The following KCNH5 variants were observed in gnomAD, a reference collection of about 807,000 sequenced individuals.
The protein encoded by KCNH5 is potassium voltage-gated channel subfamily H member 5.
Under a neutral mutation model 96.1 loss-of-function variants are expected in KCNH5, and 46 were observed. The observed-to-expected ratio is 0.48, with a 90% confidence interval of 0.38 to 0.61. KCNH5 has a LOEUF of 0.61. Among genes scored for constraint, KCNH5 ranks in the 20% least tolerant of loss-of-function variants. The pLI, the probability that KCNH5 is intolerant of heterozygous loss-of-function variation, is 0.00. For synonymous variants in KCNH5, 439 were observed against 449.8 expected (o/e 0.98, Z 0.30); for missense variants, 907 against 1,225.8 (o/e 0.74, Z 3.88).
intron 7 of KCNH5, among the ~76,000 whole-genome samples, chr14:62,924,163 C>G (rs972876702): frequency 1.3e-5 from 2 of 151,760 alleles, no homozygotes; most frequent in Admixed American, 1.3e-4. Flanking sequence ...GGCAAAGGAC[C>G]TGAATAGTCA....
chr14:62,907,537 G>A (rs1428068290), intron 7 of KCNH5, among the ~76,000 whole-genome samples: 2 of 152,144 alleles, frequency 1.3e-5, no homozygotes, highest in African/African-American at 2.4e-5. Context: ...TATATAATAA[G>A]AGTCCTGAAA....
At chr14:62,930,327 G>A (rs763313657) in intron 7 of KCNH5, among the ~76,000 whole-genome samples, 8 of 152,012 alleles carry the variant, frequency 5.3e-5, no homozygotes, top group Non-Finnish European at 1.0e-4. Flanking sequence ...TTAAATTTCT[G>A]TAGGCAAAGT....
intron 4 of KCNH5, 56 bp from the exon 5 acceptor site, chr14:62,987,243 A>G: frequency 8.3e-7 from 1 of 1,210,274 alleles, no homozygotes; most frequent in African/African-American, 1.5e-5. Context: ...AAGGAATCCA[A>G]CATTCTTGCT....
chr14:62,737,181 A>G (rs1885176473), intron 10 of KCNH5, among the ~76,000 whole-genome samples: 1 of 152,164 alleles, frequency 6.6e-6, no homozygotes, highest in Admixed American at 6.6e-5. Context: ...CAAATAGATT[A>G]TACATTTTAC....
At chr14:62,804,488 G>A (rs1464021866) in intron 8 of KCNH5, among the ~76,000 whole-genome samples, 1 of 152,092 alleles carries the variant, frequency 6.6e-6, no homozygotes, top group African/African-American at 2.4e-5. Context: ...TTTGCCTCAG[G>A]TTAGCTAACC....
At chr14:62,906,903 C>G (rs1286202923) in intron 7 of KCNH5, among the ~76,000 whole-genome samples, 1 of 152,114 alleles carries the variant, frequency 6.6e-6, no homozygotes, top group Non-Finnish European at 1.5e-5. Context: ...TCTCAAGTAC[C>G]TTACCTAGGG....
chr14:62,770,168 T>G (rs1442754070), intron 10 of KCNH5, among the ~76,000 whole-genome samples: 2 of 152,216 alleles, frequency 1.3e-5, no homozygotes, highest in African/African-American at 4.8e-5. Flanking sequence ...TCTTCGAAGA[T>G]GCTCGTATTG....
intron 7 of KCNH5, among the ~76,000 whole-genome samples, chr14:62,869,868 T>C (rs890212185): frequency 2.6e-5 from 4 of 152,160 alleles, no homozygotes; most frequent in Admixed American, 6.6e-5. Context: ...ATTTAATCAA[T>C]GGTGTTGGGA....
chr14:62,873,968 T>C (rs534481949), intron 7 of KCNH5, among the ~76,000 whole-genome samples: 109 of 152,318 alleles, frequency 7.2e-4, no homozygotes, highest in Middle Eastern at 3.4e-3. Flanking sequence ...GGTCTCAATA[T>C]GCACTAACTC....
chr14:62,743,397 C>T (rs745598452), intron 10 of KCNH5, among the ~76,000 whole-genome samples: 9 of 152,144 alleles, frequency 5.9e-5, no homozygotes, highest in Non-Finnish European at 1.0e-4. Flanking sequence ...GGGGTATCGA[C>T]GTAGAATAAA....
chr14:62,851,666 T>G (rs1887809421), intron 7 of KCNH5, among the ~76,000 whole-genome samples: 1 of 152,086 alleles, frequency 6.6e-6, no homozygotes, highest in Non-Finnish European at 1.5e-5. Flanking sequence ...AAGAAAATTT[T>G]AAATTTTTAA....
At chr14:62,939,362 A>C (rs1889744344) in intron 7 of KCNH5, among the ~76,000 whole-genome samples, 1 of 152,036 alleles carries the variant, frequency 6.6e-6, no homozygotes. Flanking sequence ...CCTTGACATG[A>C]TTACTTTCTA....
At chr14:62,917,354 G>GTTT (rs200737675) in intron 7 of KCNH5, among the ~76,000 whole-genome samples, 1 of 134,730 alleles carries the variant, frequency 7.4e-6, no homozygotes, top group Non-Finnish European at 1.6e-5. Context: ...GGTTTGTTAG[G>GTTT]TTTTTTTTTT....
intron 6 of KCNH5, among the ~76,000 whole-genome samples, chr14:62,956,483 T>C (rs1890106697): frequency 6.6e-6 from 1 of 152,058 alleles, no homozygotes; most frequent in African/African-American, 2.4e-5. Flanking sequence ...AAGATTGGGA[T>C]AATTTTCTTT....
intron 8 of KCNH5, among the ~76,000 whole-genome samples, chr14:62,842,957 T>C (rs957157188): frequency 7.2e-5 from 11 of 152,208 alleles, no homozygotes; most frequent in African/African-American, 2.4e-4. Context: ...CATATAATCT[T>C]ACTGTCAGGA....
chr14:62,802,955 A>T (rs1886694895), intron 8 of KCNH5, among the ~76,000 whole-genome samples: 1 of 152,190 alleles, frequency 6.6e-6, no homozygotes, highest in African/African-American at 2.4e-5. Flanking sequence ...CAGCCTGGGC[A>T]ACATGGTGAA....
intron 10 of KCNH5, among the ~76,000 whole-genome samples, chr14:62,752,342 C>G (rs550083244): frequency 6.6e-6 from 1 of 152,064 alleles, no homozygotes; most frequent in African/African-American, 2.4e-5. Flanking sequence ...ATGAGTGAGA[C>G]TTTATTTTGC....
At chr14:62,862,172 C>G (rs1273632398) in intron 7 of KCNH5, among the ~76,000 whole-genome samples, 3 of 152,064 alleles carry the variant, frequency 2.0e-5, no homozygotes, top group Non-Finnish European at 4.4e-5. Flanking sequence ...GTTAGTGTTA[C>G]TATTATGCTT....
chr14:62,818,438 T>C (rs570836137), intron 8 of KCNH5, among the ~76,000 whole-genome samples: 129 of 152,106 alleles, frequency 8.5e-4, no homozygotes, highest in Admixed American at 2.1e-3. Context: ...CCATTAAGTA[T>C]GAAAAAGATA....
Sources: gnomAD v4.1 joint callset for allele counts (sites outside exome capture counted in the v4.1 genomes callset) on GRCh38, gnomAD v4.1.1 for gene constraint, MANE v1.5 for transcripts, NCBI Gene and HGNC (gene_info 2026-07-23, HGNC 2026-07-21) for gene names.